Variants in ANO1 observed in about 807,000 individuals in gnomAD.
The protein encoded by ANO1 is anoctamin 1, also known as anoctamin-1.
ANO1 carries 59 observed loss-of-function variants against 124.0 expected under a neutral mutation model. The observed-to-expected ratio is 0.48, with a 90% confidence interval of 0.39 to 0.59. The LOEUF is 0.59. ANO1 is among the 20% of genes least tolerant of loss of function. The probability of loss-of-function intolerance (pLI) is 0.00; values close to 1 mark genes in which losing one functional copy is unlikely to be tolerated. For synonymous variants in ANO1, 529 were observed against 532.0 expected, an observed-to-expected ratio of 0.99 and a Z score of 0.08; for missense variants, 1,059 against 1,328.0, an observed-to-expected ratio of 0.80 and a Z score of 3.15.
At chr11:70,059,440 G>GGATGACT (rs2135105476) in intron 1 of ANO1, among the ~76,000 whole-genome samples, 1 of 152,084 alleles carries the variant, frequency 6.6e-6, no homozygotes, top group Non-Finnish European at 1.5e-5. Flanking sequence ...AGAAGGGAAG[G>GGATGACT]GATGACTGCA....
intron 8 of ANO1, among the ~76,000 whole-genome samples, chr11:70,117,747 T>G (rs2135438929): frequency 6.6e-6 from 1 of 152,228 alleles, no homozygotes; most frequent in African/African-American, 2.4e-5. Flanking sequence ...AACCTCACAA[T>G]AGTGGCCTTG....
chr11:70,109,075 C>T (rs899907672), intron 6 of ANO1, among the ~76,000 whole-genome samples: 1 of 152,234 alleles, frequency 6.6e-6, no homozygotes, highest in Admixed American at 6.5e-5. Context: ...TCCAGCCTTT[C>T]CTCCCCTCCT....
Position 70,087,687 on chromosome 11 carries a change from G to A in ANO1, c.109-65G>A, listed in dbSNP as rs144071024. On this transcript the variant is annotated intron_variant, in intron 1 of 25. Transcript: ENST00000355303. ...GGAGTGAGTGGATGAAGGGAGCAGCGCACCCTCCAAAGGCCCATCACGAGC... is the reference window on the plus strand; with the variant it reads ...GGAGTGAGTGGATGAAGGGAGCAGCACACCCTCCAAAGGCCCATCACGAGC... The A allele has an allele frequency of 2.3e-4, 320 of 1,414,004 alleles. No individual in the cohort carries two copies. In the East Asian group the frequency reaches 7.4e-3, roughly 32 times the overall value. 87.6% of individuals were successfully genotyped at this position (1,414,004 alleles called of 1,614,324 possible). A position where few individuals can be genotyped will look rare whatever the true frequency, so the allele number is the denominator to read the frequency against.
chr11:70,152,582 G>A (rs1590868800), intron 13 of ANO1, 121 bp downstream of exon 13: 2 of 1,205,926 alleles, frequency 1.7e-6, no homozygotes, highest in East Asian at 5.0e-5. Context: ...CGCGGGTGGG[G>A]TCTCTGCTTT....
intron 1 of ANO1, among the ~76,000 whole-genome samples, chr11:70,002,633 C>T (rs1856407436): frequency 6.6e-6 from 1 of 152,184 alleles, no homozygotes; most frequent in South Asian, 2.1e-4. Context: ...TATGTTCACA[C>T]TATGATGAAA....
At chr11:69,986,806 T>G (rs1056723690) in intron 1 of ANO1, among the ~76,000 whole-genome samples, 1 of 152,172 alleles carries the variant, frequency 6.6e-6, no homozygotes, top group Non-Finnish European at 1.5e-5. Context: ...CCCTGTTTCC[T>G]GGATGATTCT....
intron 1 of ANO1, among the ~76,000 whole-genome samples, chr11:70,008,374 AG>A (rs1465828948): frequency 2.0e-5 from 3 of 152,152 alleles, no homozygotes; most frequent in African/African-American, 7.2e-5. Context: ...CTGTATTTGC[AG>A]GTCTTATGTT....
intron 1 of ANO1, among the ~76,000 whole-genome samples, chr11:69,989,443 G>A (rs72933806): frequency 0.078 from 11,827 of 151,916 alleles, 604 homozygotes; most frequent in South Asian, 0.12. Context: ...CAGCACGTGC[G>A]TCTTCTTCTT....
At chr11:70,153,897 C>G (rs980178923) in intron 14 of ANO1, among the ~76,000 whole-genome samples, 3 of 152,018 alleles carry the variant, frequency 2.0e-5, no homozygotes, top group Non-Finnish European at 4.4e-5. Context: ...TCCCGGGTAC[C>G]TGGGACTACA....
At chr11:70,130,002 G>A (rs1176492270) in intron 10 of ANO1, among the ~76,000 whole-genome samples, 1 of 152,230 alleles carries the variant, frequency 6.6e-6, no homozygotes, top group Non-Finnish European at 1.5e-5. Context: ...GCTGGGCACA[G>A]AGGAGGCCCT....
At chr11:70,160,189 C>T (rs2047989101) in intron 16 of ANO1, among the ~76,000 whole-genome samples, 1 of 152,090 alleles carries the variant, frequency 6.6e-6, no homozygotes, top group Admixed American at 6.5e-5. Flanking sequence ...AGCAAATATG[C>T]GATTTCCTGG....
chr11:70,048,487 T>C (rs1331071519), intron 1 of ANO1, among the ~76,000 whole-genome samples: 1 of 152,052 alleles, frequency 6.6e-6, no homozygotes, highest in Non-Finnish European at 1.5e-5. Flanking sequence ...GGTGGTGTGG[T>C]TTATCGATTA....
intron 2 of ANO1, among the ~76,000 whole-genome samples, chr11:70,095,271 G>A (rs11233913): frequency 9.4e-5 from 7 of 74,822 alleles, no homozygotes; most frequent in African/African-American, 3.3e-4. Context: ...AAGGAAGGAA[G>A]GAAGGAAGGA....
chr11:70,093,902 G>C (rs2044738182), intron 2 of ANO1, among the ~76,000 whole-genome samples: 1 of 152,168 alleles, frequency 6.6e-6, no homozygotes, highest in Non-Finnish European at 1.5e-5. Context: ...GCCCCTCTGA[G>C]AGCCCGGTAT....
intron 1 of ANO1, among the ~76,000 whole-genome samples, chr11:70,032,513 A>T (rs1555003917): frequency 7.5e-6 from 1 of 133,050 alleles, no homozygotes; most frequent in African/African-American, 2.8e-5. Context: ...AAGATGGGAG[A>T]GTGAGCAGAG....
Position 70,078,695 on chromosome 11 carries a change from A to C in ANO1, c.89A>C (p.Tyr30Ser). ...ATCTGCGCCATCGAGGACATCGGCTACCTGCCGTCCGAGGGCACGGTGAGT... is the reference window on the plus strand; with the variant it reads ...ATCTGCGCCATCGAGGACATCGGCTCCCTGCCGTCCGAGGGCACGGTGAGT... ...INICAIEDIG[Y>S]LPSEGTLLNS... The change falls in exon 1 of 26, where the codon TAC (tyrosine) becomes TCC (serine). Residue 30 changes from tyrosine to serine, a missense_variant. Tyr to Ser is a moderately radical substitution (Grantham distance 144). Coordinates refer to ENST00000355303, the MANE Select transcript of ANO1 (RefSeq NM_018043.7). 2 of 1,485,936 alleles carry C rather than the reference A, an allele frequency of 1.3e-6. No individual in the cohort carries two copies. The highest frequency in any genetic ancestry group is 3.0e-5 in the East Asian group (1 of 32,882). 92.0% of individuals were successfully genotyped at this position (1,485,936 alleles called of 1,614,324 possible).
intron 1 of ANO1, among the ~76,000 whole-genome samples, chr11:70,027,011 C>T (rs1190285027): frequency 6.6e-6 from 1 of 152,194 alleles, no homozygotes; most frequent in African/African-American, 2.4e-5. Flanking sequence ...TCAAGTCTCT[C>T]TGCTCAAATG....
chr11:70,032,497 GC>G (rs1857018797), intron 1 of ANO1, among the ~76,000 whole-genome samples: 1 of 146,854 alleles, frequency 6.8e-6, no homozygotes, highest in African/African-American at 2.5e-5. Flanking sequence ...TGGGAAGGGA[GC>G]AAAAAAGATG....
intron 11 of ANO1, among the ~76,000 whole-genome samples, chr11:70,149,022 G>A (rs36002170): frequency 0.1 from 15,450 of 152,250 alleles, 948 homozygotes; most frequent in Middle Eastern, 0.18. Context: ...CTGCCAGTGC[G>A]ATTCAGCAGG....
Sources: allele counts gnomAD v4.1 joint callset (sites outside exome capture counted in the v4.1 genomes callset), GRCh38; gene constraint gnomAD v4.1.1; transcripts MANE v1.5; gene names NCBI Gene and HGNC (gene_info 2026-07-23, HGNC 2026-07-21).